GJB7: variants seen among roughly 807,000 people sequenced by gnomAD.
GJB7 encodes the protein gap junction protein beta 7, also known as gap junction beta-7 protein.
For synonymous variants in GJB7, 87 were observed against 95.2 expected, an observed-to-expected ratio of 0.91 and a Z score of 0.50; for missense variants, 253 against 256.8, an observed-to-expected ratio of 0.99 and a Z score of 0.10.
At chr6:87,293,472 T>A (rs914583177) in intron 2 of GJB7, among the ~76,000 whole-genome samples, 15 of 152,122 alleles carry the variant, frequency 9.9e-5, no homozygotes, top group African/African-American at 3.6e-4. Context: ...GTTTTTTTTT[T>A]ACAGAGATCC....
At chr6:87,286,700 A>T (rs1044262615) in intron 2 of GJB7, among the ~76,000 whole-genome samples, 1 of 152,170 alleles carries the variant, frequency 6.6e-6, no homozygotes, top group Non-Finnish European at 1.5e-5. Flanking sequence ...TGGGTCCATG[A>T]TATGCTCAGA....
intron 2 of GJB7, among the ~76,000 whole-genome samples, chr6:87,311,175 T>C (rs1166412650): frequency 2.0e-5 from 3 of 152,160 alleles, no homozygotes; most frequent in Non-Finnish European, 4.4e-5. Flanking sequence ...TGAGAAGATA[T>C]GGAAACAAAC....
intron 2 of GJB7, among the ~76,000 whole-genome samples, chr6:87,306,918 G>T (rs978137014): frequency 5.3e-5 from 8 of 151,992 alleles, no homozygotes; most frequent in Non-Finnish European, 1.0e-4. Context: ...GTGAACTATC[G>T]CAAGAACAAG....
chr6:87,318,279 T>C (rs1776611728), intron 2 of GJB7, among the ~76,000 whole-genome samples: 1 of 152,222 alleles, frequency 6.6e-6, no homozygotes, highest in Non-Finnish European at 1.5e-5. Context: ...GACTGCTCCT[T>C]AAGCTATCAG....
chr6:87,299,229 C>T, intron 2 of GJB7: 1 of 455,104 alleles, frequency 2.2e-6, no homozygotes, highest in Non-Finnish European at 4.5e-6. Flanking sequence ...AAGAAGCTGT[C>T]TGAACCATGA....
At chr6:87,301,657 C>T (rs755769577) in intron 2 of GJB7, among the ~76,000 whole-genome samples, 17 of 152,186 alleles carry the variant, frequency 1.1e-4, no homozygotes, top group Non-Finnish European at 1.9e-4. Flanking sequence ...CTTAAATGTC[C>T]CTGTCTGACA....
At position 87,284,062 on chromosome 6, in the gene GJB7, C is replaced by A; in HGVS notation, c.*179G>T. 3.4e-6 allele frequency: 2 copies of A among 590,402 alleles called. No individual in the cohort carries two copies. The highest frequency in any genetic ancestry group is 2.2e-5 in the South Asian group (1 of 46,442). The allele number at this position is 590,402 out of a possible 1,614,324, so 36.6% of individuals were successfully genotyped here. A position where few individuals can be genotyped will look rare whatever the true frequency, so the allele number is the denominator to read the frequency against. Reference sequence around the variant, plus strand: ...TACTAAGGCTGATGTGCTTTGTCTTCCAACTCAGCTTAGGCCTTGCTGAGG... The same window carrying A: ...TACTAAGGCTGATGTGCTTTGTCTTACAACTCAGCTTAGGCCTTGCTGAGG... On this transcript the variant is annotated 3_prime_UTR_variant, in exon 3 of 3. Coordinates refer to ENST00000525899, the MANE Select transcript of GJB7 (RefSeq NM_198568.3).
At chr6:87,328,334 T>G (rs1398114123) in intron 1 of GJB7, among the ~76,000 whole-genome samples, 1 of 152,154 alleles carries the variant, frequency 6.6e-6, no homozygotes, top group Non-Finnish European at 1.5e-5. Flanking sequence ...CACTCTGCTT[T>G]TTAGAGTTTC....
At chr6:87,298,347 G>A (rs1271480253) in intron 2 of GJB7, among the ~76,000 whole-genome samples, 1 of 152,112 alleles carries the variant, frequency 6.6e-6, no homozygotes, top group East Asian at 1.9e-4. Flanking sequence ...CCAAGAAGTG[G>A]AGAACCAAGA....
At position 87,283,246 on chromosome 6, in the gene GJB7, A is replaced by C. The variant is rs1487423052; in HGVS notation, c.*995T>G. ...TATAGTACATAGTGAATTCCTGATT[A>C]TGAAAGGTTCAACAATATGAATATT... is the stretch of plus-strand genomic sequence containing the variant. On this transcript the variant is annotated 3_prime_UTR_variant, in exon 3 of 3. Coordinates refer to ENST00000525899, the MANE Select transcript of GJB7 (RefSeq NM_198568.3). 1 of 152,254 alleles carries C rather than the reference A, an allele frequency of 6.6e-6. No homozygotes were observed. Among genetic ancestry groups the C allele is most frequent in the African/African-American group, 2.4e-5 (1 of 41,470 alleles). The allele number at this position is 152,254 out of a possible 1,614,324, so 9.4% of individuals were successfully genotyped here.
At chr6:87,310,466 T>C (rs935027015) in intron 2 of GJB7, among the ~76,000 whole-genome samples, 7 of 152,028 alleles carry the variant, frequency 4.6e-5, no homozygotes, top group African/African-American at 9.7e-5. Context: ...CCAGCACCTA[T>C]ACAGAATTCA....
chr6:87,326,153 C>T lies in GJB7; in HGVS notation c.-206+2985G>A, dbSNP rs550397053. ...TTTATTGCGTCTATTTGATTCTTCTCTCTTTTTATCTTTATTAGTCTTGCT... is the reference window on the plus strand; with the variant it reads ...TTTATTGCGTCTATTTGATTCTTCTTTCTTTTTATCTTTATTAGTCTTGCT... On this transcript the variant is annotated intron_variant, in intron 1 of 2. Coordinates refer to ENST00000525899, the MANE Select transcript of GJB7 (RefSeq NM_198568.3). Among the ~76,000 whole-genome samples the T allele has an allele frequency of 5.6e-4, 85 of 152,296 alleles. No individual in the cohort carries two copies. The South Asian group carries it at 0.013, about 23-fold the overall frequency.
chr6:87,318,534 T>G (rs1776615809), intron 2 of GJB7, among the ~76,000 whole-genome samples: 1 of 152,234 alleles, frequency 6.6e-6, no homozygotes, highest in Non-Finnish European at 1.5e-5. Flanking sequence ...TGACTTGGCT[T>G]TGCTCTGTAT....
intron 2 of GJB7, among the ~76,000 whole-genome samples, chr6:87,288,056 C>T (rs1412283842): frequency 6.6e-6 from 1 of 152,092 alleles, no homozygotes; most frequent in African/African-American, 2.4e-5. Context: ...GTGCCCACCA[C>T]CACGGCTGGC....
chr6:87,284,260 G>A lies in GJB7; in HGVS notation c.653C>T (p.Pro218Leu). ...KCCLQKYLKK[P>L]QVLSV Reference sequence around the variant, plus strand: ...TGGCACTCACACACTGAGGACTTGAGGTTTTTTTAAATATTTTTGGAGACA... The same window carrying A: ...TGGCACTCACACACTGAGGACTTGAAGTTTTTTTAAATATTTTTGGAGACA... The change falls in exon 3 of 3, where the codon CCT (proline) becomes CTT (leucine). Residue 218 changes from proline to leucine, a missense_variant. Pro to Leu is a moderately conservative substitution (Grantham distance 98, BLOSUM62 -3). Transcript: ENST00000525899. 1 of 1,613,394 alleles carries A rather than the reference G, an allele frequency of 6.2e-7. No homozygotes were observed. The highest frequency in any genetic ancestry group is 8.5e-7 in the Non-Finnish European group (1 of 1,179,694).
chr6:87,301,351 G>A (rs140203752), intron 2 of GJB7, among the ~76,000 whole-genome samples: 10 of 152,302 alleles, frequency 6.6e-5, no homozygotes, highest in Admixed American at 2.6e-4. Flanking sequence ...CTTTTCCAAC[G>A]GTCTTAGCAA....
intron 2 of GJB7, chr6:87,298,930 A>C: frequency 2.3e-6 from 1 of 443,346 alleles, no homozygotes; most frequent in South Asian, 1.9e-5. Context: ...AGCTGTTACA[A>C]TAGGGCCAAA....
intron 2 of GJB7, among the ~76,000 whole-genome samples, chr6:87,317,623 G>T (rs1406590509): frequency 6.6e-6 from 1 of 151,986 alleles, no homozygotes; most frequent in East Asian, 1.9e-4. Flanking sequence ...TAGAAATGGG[G>T]TTTCATCATT....
chr6:87,305,224 G>C lies in GJB7; in HGVS notation c.-28+17642C>G, dbSNP rs538646363. Among the ~76,000 whole-genome samples, 435 of 152,246 alleles carry C rather than the reference G, an allele frequency of 2.9e-3. 2 individuals carry two copies. Among genetic ancestry groups the C allele is most frequent in the African/African-American group, 1.0e-2 (414 of 41,516 alleles). On this transcript the variant is annotated intron_variant, in intron 2 of 2. Coordinates refer to ENST00000525899, the MANE Select transcript of GJB7 (RefSeq NM_198568.3). The stretch of plus-strand genomic sequence containing the variant: ...TAAAGGGTATTCAATTAGGAAAAGA[G>C]GAAGTCAAATTGTCCCTGTTTGCAG...
Sources: gnomAD v4.1 joint callset for allele counts (sites outside exome capture counted in the v4.1 genomes callset) on GRCh38, gnomAD v4.1.1 for gene constraint, MANE v1.5 for transcripts, NCBI Gene and HGNC (gene_info 2026-07-23, HGNC 2026-07-21) for gene names.